Variants in DYNC2I1 observed in about 807,000 individuals in gnomAD.
DYNC2I1 encodes the protein dynein 2 intermediate chain 1.
Under a neutral mutation model 133.4 loss-of-function variants are expected in DYNC2I1, and 89 were observed. That is an observed-to-expected ratio of 0.67 (90% CI 0.56 to 0.80). The LOEUF is 0.80. DYNC2I1 is among the 30% of genes least tolerant of loss of function. The pLI is 0.00. For synonymous variants in DYNC2I1, 504 were observed against 484.3 expected (o/e 1.04, Z -0.54); for missense variants, 1,291 against 1,314.5 (o/e 0.98, Z 0.28).
intron 1 of DYNC2I1, among the ~76,000 whole-genome samples, chr7:158,865,011 C>A (rs925014546): frequency 1.3e-5 from 2 of 152,202 alleles, no homozygotes; most frequent in Non-Finnish European, 2.9e-5. Context: ...GTGGCAGGAA[C>A]AATGAGCGTC....
chr7:158,902,501 A>G lies in DYNC2I1; in HGVS notation c.1263A>G (p.Arg421=). 1 of 1,614,024 alleles carries G rather than the reference A, an allele frequency of 6.2e-7. No individual in the cohort carries two copies. The highest frequency in any genetic ancestry group is 8.5e-7 in the Non-Finnish European group (1 of 1,179,886). Residue 421 remains arginine, a synonymous_variant, in exon 10 of 25, where the codon AGA becomes AGG. Coordinates refer to ENST00000407559, the MANE Select transcript of DYNC2I1 (RefSeq NM_018051.5). Reference sequence around the variant, plus strand: ...AAAAGGAAATACAAGAAATTCAAAGAGCTATTAATGCAGAAAATGAAAGGA... The same window carrying G: ...AAAAGGAAATACAAGAAATTCAAAGGGCTATTAATGCAGAAAATGAAAGGA... ...AQKKEIQEIQ[R]AINAENERIG...
chr7:158,870,364 T>C (rs1384764965), intron 2 of DYNC2I1, among the ~76,000 whole-genome samples: 2 of 96,422 alleles, frequency 2.1e-5, no homozygotes, highest in East Asian at 2.3e-4. Context: ...ATTTTACTCT[T>C]TTTTTTAGAG....
intron 1 of DYNC2I1, among the ~76,000 whole-genome samples, chr7:158,859,059 G>A (rs796411981): frequency 8.9e-5 from 12 of 134,392 alleles, no homozygotes; most frequent in African/African-American, 3.1e-4. Context: ...GCAGTGACAC[G>A]CTCACAGCTC....
At position 158,879,833 on chromosome 7, in the gene DYNC2I1, C is replaced by T. The variant is rs745507098; in HGVS notation, c.723C>T (p.Ser241=). The change falls in exon 5 of 25, where the codon TCC becomes TCT. Residue 241 remains serine (S), a synonymous_variant. Coordinates refer to ENST00000407559, the MANE Select transcript of DYNC2I1 (RefSeq NM_018051.5). ...SSTREKREKY[S]KEKSNSFSDK... is the part of the protein sequence containing the mutation. The stretch of plus-strand genomic sequence containing the variant: ...CAAGGGAAAAAAGAGAGAAATATTC[C>T]AAAGAGAAAAGTAATTCATTCTCTG... The T allele has an allele frequency of 6.2e-7, 1 of 1,612,174 alleles. No homozygotes were observed. Among genetic ancestry groups the T allele is most frequent in the Non-Finnish European group, 8.5e-7 (1 of 1,179,174 alleles).
At chr7:158,929,999 A>G (rs1025277815) in intron 20 of DYNC2I1, among the ~76,000 whole-genome samples, 3 of 152,182 alleles carry the variant, frequency 2.0e-5, no homozygotes, top group Non-Finnish European at 4.4e-5. Context: ...CCTCCTGTGC[A>G]TTCTGCCCGG....
chr7:158,932,156 AG>A (rs1850281421), intron 21 of DYNC2I1, among the ~76,000 whole-genome samples: 1 of 152,196 alleles, frequency 6.6e-6, no homozygotes, highest in South Asian at 2.1e-4. Context: ...GCAGGGAAGC[AG>A]GTCCTGCAGC....
intron 23 of DYNC2I1, among the ~76,000 whole-genome samples, chr7:158,935,074 G>A (rs565094315): frequency 6.6e-6 from 1 of 152,328 alleles, no homozygotes; most frequent in South Asian, 2.1e-4. Context: ...CTATGATACA[G>A]CCAAAAATGT....
chr7:158,868,059 G>A (rs111284573), intron 1 of DYNC2I1, among the ~76,000 whole-genome samples: 6 of 152,254 alleles, frequency 3.9e-5, no homozygotes, highest in African/African-American at 1.4e-4. Flanking sequence ...ACTCCAGCCT[G>A]GGTGACAGAA....
intron 24 of DYNC2I1, among the ~76,000 whole-genome samples, chr7:158,943,017 A>G (rs985348272): frequency 1.3e-5 from 2 of 151,818 alleles, no homozygotes; most frequent in Non-Finnish European, 2.9e-5. Context: ...AGATTTTTAC[A>G]TTTCTTTTTA....
chr7:158,865,888 C>T (rs1433795958), intron 1 of DYNC2I1, among the ~76,000 whole-genome samples: 1 of 152,114 alleles, frequency 6.6e-6, no homozygotes, highest in Non-Finnish European at 1.5e-5. Context: ...CAGTTTGAAA[C>T]TCTAGAGGGA....
At chr7:158,839,619 A>G in the DYNC2I1 span, among the ~76,000 whole-genome samples, 1 of 152,298 alleles carries the variant, frequency 6.6e-6, no homozygotes, top group East Asian at 1.9e-4. Flanking sequence ...GGAGATCGAG[A>G]CCATCCTGGC....
upstream of DYNC2I1, among the ~76,000 whole-genome samples, chr7:158,856,348 C>T (rs1294250164): frequency 6.6e-6 from 1 of 152,248 alleles, no homozygotes; most frequent in East Asian, 1.9e-4. Context: ...GAGTCAAGAG[C>T]CCCTGCACCC....
intron 7 of DYNC2I1, among the ~76,000 whole-genome samples, chr7:158,888,949 T>C (rs1844890281): frequency 6.6e-6 from 1 of 151,992 alleles, no homozygotes; most frequent in Non-Finnish European, 1.5e-5. Flanking sequence ...CAGAAAAAAA[T>C]ACCTACAAAT....
intron 17 of DYNC2I1, 92 bp from the exon 18 acceptor site, chr7:158,926,095 C>T: frequency 3.1e-6 from 3 of 982,444 alleles, no homozygotes; most frequent in Non-Finnish European, 4.7e-6. Context: ...CTGTGAGACC[C>T]AGAAGCACCT....
chr7:158,865,336 G>T (rs1842311017), intron 1 of DYNC2I1, among the ~76,000 whole-genome samples: 1 of 152,216 alleles, frequency 6.6e-6, no homozygotes, highest in African/African-American at 2.4e-5. Flanking sequence ...TTTTATTCGG[G>T]AGGCAAATCA....
At chr7:158,912,168 A>G (rs912681852) in intron 12 of DYNC2I1, among the ~76,000 whole-genome samples, 1 of 152,106 alleles carries the variant, frequency 6.6e-6, no homozygotes, top group Non-Finnish European at 1.5e-5. Context: ...GTGACTTACA[A>G]TGAATTCTTT....
intron 1 of DYNC2I1, 106 bp downstream of exon 1, chr7:158,856,856 C>T (rs1841294766): frequency 2.5e-6 from 3 of 1,187,152 alleles, no homozygotes; most frequent in African/African-American, 1.6e-5. Flanking sequence ...GCGGTTCTCT[C>T]GGCCGGGCCG....
rs1844411273 is a variant in DYNC2I1 at position 158,884,593 on chromosome 7, C to G, written c.909C>G (p.Ser303Arg). ...GTGAACACAGAAATCGAGGTGCAAG[C>G]TCAAAAAGAGATGGGACCAGCAGCC... ...QNGEHRNRGA[S>R]SKRDGTSSQH... is the part of the protein sequence containing the mutation. Residue 303 changes from serine (S) to arginine (R), a missense_variant, in exon 6 of 25, where the codon AGC becomes AGG. Ser to Arg is a moderately radical substitution (Grantham distance 110, BLOSUM62 -1). Coordinates refer to ENST00000407559, the MANE Select transcript of DYNC2I1 (RefSeq NM_018051.5). The G allele has an allele frequency of 6.2e-7, 1 of 1,613,148 alleles. No homozygotes were observed. Among genetic ancestry groups the G allele is most frequent in the African/African-American group, 1.3e-5 (1 of 74,902 alleles).
rs890171624 is a variant in DYNC2I1, at chr7:158,872,950, C to T, written c.490+1388C>T. On this transcript the variant is annotated intron_variant, in intron 3 of 24. Coordinates refer to ENST00000407559, the MANE Select transcript of DYNC2I1 (RefSeq NM_018051.5). ...AGGTTGCAATGAGCTGAGATCACGC[C>T]ACTACACTCCAGCCTGGGTGACAGA... Among the ~76,000 whole-genome samples, 5 of 151,246 alleles carry T rather than the reference C, an allele frequency of 3.3e-5. 1 individual carries two copies. Among genetic ancestry groups the T allele is most frequent in the South Asian group, 4.2e-4 (2 of 4,798 alleles).
Sources: gnomAD v4.1 joint callset for allele counts (sites outside exome capture counted in the v4.1 genomes callset) on GRCh38, gnomAD v4.1.1 for gene constraint, MANE v1.5 for transcripts, NCBI Gene and HGNC (gene_info 2026-07-23, HGNC 2026-07-21) for gene names.